Variants in MAML3 observed in about 807,000 individuals in gnomAD.
MAML3 encodes mastermind-like protein 3.
A neutral mutation model predicts 101.9 loss-of-function variants in MAML3; 27 were observed. The observed-to-expected ratio is 0.27, with a 90% CI of 0.20 to 0.37. MAML3 has a LOEUF of 0.37. Among genes scored for constraint, MAML3 ranks in the 10% least tolerant of loss-of-function variants. The pLI is 1.00. For missense variants in MAML3, 1,316 were observed against 1,444.9 expected (o/e 0.91, Z 1.45); for synonymous variants, 501 against 555.9 (o/e 0.90, Z 1.39).
At chr4:139,867,970 T>C (rs1560819124) in intron 2 of MAML3, among the ~76,000 whole-genome samples, 1 of 152,238 alleles carries the variant, frequency 6.6e-6, no homozygotes, top group Admixed American at 6.5e-5. Flanking sequence ...TCTTCTGGAA[T>C]TGAGTTCTCT....
chr4:140,066,399 C>T (rs1057126045), intron 1 of MAML3, among the ~76,000 whole-genome samples: 1 of 152,124 alleles, frequency 6.6e-6, no homozygotes, highest in African/African-American at 2.4e-5. Flanking sequence ...CAACAGGTTC[C>T]CTGGATAACG....
intron 2 of MAML3, among the ~76,000 whole-genome samples, chr4:139,787,444 C>G (rs897699846): frequency 3.3e-5 from 5 of 152,136 alleles, no homozygotes; most frequent in African/African-American, 1.2e-4. Flanking sequence ...CTGTATCACA[C>G]CTTCTTTTCC....
intron 2 of MAML3, among the ~76,000 whole-genome samples, chr4:139,751,751 G>A (rs1304908016): frequency 6.6e-6 from 1 of 152,178 alleles, no homozygotes; most frequent in African/African-American, 2.4e-5. Flanking sequence ...GAGGAAAGAG[G>A]ACACTGGAAT....
At chr4:139,939,764 CT>C (rs1233151703) in intron 1 of MAML3, among the ~76,000 whole-genome samples, 168 of 133,418 alleles carry the variant, frequency 1.3e-3, no homozygotes, top group African/African-American at 1.7e-3. Flanking sequence ...CAGGCACTTG[CT>C]TTTTTTTTTT....
At chr4:140,148,389 G>A (rs1185258953) in intron 1 of MAML3, among the ~76,000 whole-genome samples, 1 of 152,122 alleles carries the variant, frequency 6.6e-6, no homozygotes, top group Admixed American at 6.6e-5. Flanking sequence ...AATTAAACAT[G>A]TATTGGAGCT....
chr4:139,880,908 T>G (rs1732205902), intron 2 of MAML3, among the ~76,000 whole-genome samples: 2 of 152,120 alleles, frequency 1.3e-5, no homozygotes. Flanking sequence ...CATAAATATT[T>G]AAGAACAAAG....
At chr4:140,126,622 G>C (rs1199412505) in intron 1 of MAML3, among the ~76,000 whole-genome samples, 1 of 152,006 alleles carries the variant, frequency 6.6e-6, no homozygotes, top group Non-Finnish European at 1.5e-5. Context: ...TACGTGCTTT[G>C]CCAATTTCAT....
rs114225794 is a variant in MAML3 at position 140,029,108 on chromosome 4, G to A, written c.468+123752C>T. Among the ~76,000 whole-genome samples the A allele has an allele frequency of 7.9e-3, 1,203 of 152,250 alleles. 15 individuals are homozygous for A. Among genetic ancestry groups the A allele is most frequent in the African/African-American group, 0.028 (1,144 of 41,552 alleles). On this transcript the variant is annotated intron_variant, in intron 1 of 4. Transcript: ENST00000509479. Reference sequence around the variant, plus strand: ...CAGCTAAATGGTCAGAGACTGCCCAGGTACACCTGCTCTCAGCCCAGGGGG... The same window carrying A: ...CAGCTAAATGGTCAGAGACTGCCCAAGTACACCTGCTCTCAGCCCAGGGGG...
At chr4:139,762,724 C>G (rs1729781526) in intron 2 of MAML3, among the ~76,000 whole-genome samples, 1 of 152,198 alleles carries the variant, frequency 6.6e-6, no homozygotes, top group Non-Finnish European at 1.5e-5. Context: ...ATGGCCAAAA[C>G]TTTAACCCCC....
At chr4:140,107,150 C>T (rs1012558200) in intron 1 of MAML3, among the ~76,000 whole-genome samples, 4 of 152,136 alleles carry the variant, frequency 2.6e-5, no homozygotes, top group Non-Finnish European at 4.4e-5. Flanking sequence ...GGATTACAGG[C>T]ATGAGCCACT....
In MAML3 at chr4:140,104,660, T is replaced by G. The variant is rs1045090518; in HGVS notation, c.468+48200A>C. 2.0e-5 allele frequency among the ~76,000 whole-genome samples: 3 copies of G among 150,178 alleles called. No homozygotes were observed. In the Admixed American group the frequency reaches 2.0e-4, roughly 10 times the overall value. On this transcript the variant is annotated intron_variant, in intron 1 of 4. Transcript: ENST00000509479. ...GGCACGCAACATCATGCCCAGTTAATTTTTGTGTTTTTTGTGGAGATGAGG... is the reference window on the plus strand; with the variant it reads ...GGCACGCAACATCATGCCCAGTTAAGTTTTGTGTTTTTTGTGGAGATGAGG...
At chr4:140,106,941 G>T (rs919086531) in intron 1 of MAML3, among the ~76,000 whole-genome samples, 1 of 152,140 alleles carries the variant, frequency 6.6e-6, no homozygotes, top group Non-Finnish European at 1.5e-5. Context: ...CATGATCTCG[G>T]CTCACTGCAA....
intron 1 of MAML3, among the ~76,000 whole-genome samples, chr4:140,145,395 G>C (rs1234945541): frequency 6.6e-6 from 1 of 152,176 alleles, no homozygotes; most frequent in African/African-American, 2.4e-5. Context: ...GCAAAAGGGG[G>C]ATGAATGTTA....
At chr4:140,149,655 T>C (rs2111065384) in intron 1 of MAML3, among the ~76,000 whole-genome samples, 1 of 152,342 alleles carries the variant, frequency 6.6e-6, no homozygotes, top group Middle Eastern at 3.4e-3. Context: ...TTTATTTTTA[T>C]ATCACCGTTA....
At chr4:139,839,968 T>C (rs1481645082) in intron 2 of MAML3, among the ~76,000 whole-genome samples, 2 of 152,084 alleles carry the variant, frequency 1.3e-5, no homozygotes, top group African/African-American at 2.4e-5. Context: ...CAGAAGAGCA[T>C]ATAATTATTC....
chr4:140,060,363 C>A (rs1727423618), intron 1 of MAML3, among the ~76,000 whole-genome samples: 1 of 454 alleles, frequency 2.2e-3, no homozygotes, highest in Non-Finnish European at 0.12. Flanking sequence ...AAGACTCTGT[C>A]TCAAAAAAAA....
chr4:140,074,141 A>AAGAGAGAGAGAAAG, intron 1 of MAML3, among the ~76,000 whole-genome samples: 2 of 143,700 alleles, frequency 1.4e-5, no homozygotes, highest in Admixed American at 7.1e-5. Flanking sequence ...AGAAAGAAAA[A>AAGAGAGAGAGAAAG]GAAAGAAAGA....
intron 1 of MAML3, among the ~76,000 whole-genome samples, chr4:140,024,353 G>A (rs1364745138): frequency 6.6e-6 from 1 of 152,014 alleles, no homozygotes; most frequent in Non-Finnish European, 1.5e-5. Context: ...TCAGCCTCTG[G>A]AGTAGCTGGG....
chr4:139,861,081 G>A (rs1235995970), intron 2 of MAML3, among the ~76,000 whole-genome samples: 1 of 151,814 alleles, frequency 6.6e-6, no homozygotes. Flanking sequence ...CTTTTCCCTG[G>A]CAGACCTGAA....
Sources: allele counts gnomAD v4.1 joint callset (sites outside exome capture counted in the v4.1 genomes callset), GRCh38; gene constraint gnomAD v4.1.1; transcripts MANE v1.5; gene names NCBI Gene and HGNC (gene_info 2026-07-23, HGNC 2026-07-21).